Variants in EDIL3 observed in about 807,000 individuals in gnomAD.
EDIL3 encodes the protein EGF like and discoidin domains 3, also known as EGF-like repeat and discoidin I-like domain-containing protein 3.
In EDIL3, 37 loss-of-function variants were observed where a neutral mutation model predicts 67.4. That is an observed-to-expected ratio of 0.55 (90% CI 0.42 to 0.72). The LOEUF (loss-of-function observed/expected upper bound fraction) is 0.72, where lower values mean the gene tolerates loss of function less well. Ranked by LOEUF, EDIL3 falls within the 30% of genes least tolerant of loss-of-function variation. The probability of loss-of-function intolerance (pLI) is 0.00; values close to 1 mark genes in which losing one functional copy is unlikely to be tolerated. For synonymous variants in EDIL3, 195 were observed against 196.3 expected, an observed-to-expected ratio of 0.99 and a Z score of 0.05; for missense variants, 527 against 586.3, an observed-to-expected ratio of 0.90 and a Z score of 1.04.
At chr5:84,271,696 A>C (rs1468728219) in intron 1 of EDIL3, among the ~76,000 whole-genome samples, 1 of 152,158 alleles carries the variant, frequency 6.6e-6, no homozygotes, top group Non-Finnish European at 1.5e-5. Flanking sequence ...ATTATGTTTC[A>C]TGCTTTTTCA....
intron 9 of EDIL3, among the ~76,000 whole-genome samples, chr5:84,048,735 C>T (rs994055638): frequency 1.3e-5 from 2 of 151,842 alleles, no homozygotes; most frequent in Admixed American, 6.6e-5. Context: ...ACCACCAATA[C>T]GGCAATGAAT....
intron 9 of EDIL3, among the ~76,000 whole-genome samples, chr5:84,044,387 AT>A (rs11422307): frequency 2.0e-4 from 30 of 149,340 alleles, no homozygotes; most frequent in Middle Eastern, 3.4e-3. Flanking sequence ...GCCCAGAACC[AT>A]TTTTTTTTTG....
intron 2 of EDIL3, among the ~76,000 whole-genome samples, chr5:84,253,592 A>AGC (rs1206238556): frequency 3.3e-5 from 5 of 152,178 alleles, no homozygotes; most frequent in Non-Finnish European, 7.4e-5. Flanking sequence ...AACTTTGAAG[A>AGC]GCACTGCATC....
intron 6 of EDIL3, among the ~76,000 whole-genome samples, chr5:84,082,201 C>G (rs1746983120): frequency 6.6e-6 from 1 of 152,202 alleles, no homozygotes. Context: ...TAATACTCTA[C>G]ACCTTTCCAT....
chr5:83,949,789 A>C (rs981219658), intron 10 of EDIL3, among the ~76,000 whole-genome samples: 19 of 151,778 alleles, frequency 1.3e-4, no homozygotes, highest in Non-Finnish European at 2.4e-4. Context: ...TTACCCAAGG[A>C]GGAGTCTGTT....
intron 2 of EDIL3, among the ~76,000 whole-genome samples, chr5:84,234,465 C>T (rs1194678549): frequency 3.3e-5 from 5 of 152,152 alleles, no homozygotes; most frequent in Non-Finnish European, 1.5e-5. Context: ...GTATATTACC[C>T]TGATACAACA....
chr5:84,375,019 T>G (rs914283316), intron 1 of EDIL3, among the ~76,000 whole-genome samples: 1 of 151,648 alleles, frequency 6.6e-6, no homozygotes, highest in Non-Finnish European at 1.5e-5. Context: ...GTCACCAAGC[T>G]GAAGTGCAAT....
At chr5:84,058,584 A>T (rs1462196422) in intron 9 of EDIL3, among the ~76,000 whole-genome samples, 2 of 152,142 alleles carry the variant, frequency 1.3e-5, no homozygotes, top group Admixed American at 6.6e-5. Flanking sequence ...AAATCAGTTA[A>T]TGTTAGTGTG....
intron 9 of EDIL3, among the ~76,000 whole-genome samples, chr5:84,028,691 T>A (rs1202825106): frequency 6.6e-6 from 1 of 152,154 alleles, no homozygotes; most frequent in Non-Finnish European, 1.5e-5. Flanking sequence ...TATGTATGTA[T>A]ATGTGTGTAA....
chr5:84,311,324 C>CT (rs58965080), intron 1 of EDIL3, among the ~76,000 whole-genome samples: 121 of 105,540 alleles, frequency 1.1e-3, no homozygotes, highest in Admixed American at 2.1e-3. Context: ...TTTTTTTTTT[C>CT]TTTTTTTTTT....
At chr5:84,094,777 T>G (rs535015582) in intron 6 of EDIL3, among the ~76,000 whole-genome samples, 146 of 152,350 alleles carry the variant, frequency 9.6e-4, no homozygotes, top group African/African-American at 3.4e-3. Context: ...GGCCGATATA[T>G]TCTACATTAA....
intron 10 of EDIL3, among the ~76,000 whole-genome samples, chr5:83,955,343 T>A (rs1039430867): frequency 4.6e-5 from 7 of 151,720 alleles, no homozygotes; most frequent in African/African-American, 1.7e-4. Flanking sequence ...TTATTTTTCA[T>A]TTATGAATAT....
At chr5:84,080,149 A>T (rs1277865820) in intron 6 of EDIL3, among the ~76,000 whole-genome samples, 5 of 76,328 alleles carry the variant, frequency 6.6e-5, no homozygotes, top group Non-Finnish European at 1.4e-4. Context: ...AAAAAAAAAT[A>T]GCCCGGCGTG....
intron 3 of EDIL3, among the ~76,000 whole-genome samples, chr5:84,201,184 CT>C (rs1311658639): frequency 6.6e-6 from 1 of 151,960 alleles, no homozygotes; most frequent in Non-Finnish European, 1.5e-5. Context: ...CATTTCTCTT[CT>C]GTTATCAGGG....
intron 5 of EDIL3, among the ~76,000 whole-genome samples, chr5:84,112,877 A>G (rs1282251738): frequency 1.3e-5 from 2 of 152,230 alleles, no homozygotes; most frequent in African/African-American, 4.8e-5. Flanking sequence ...TAAATAAACA[A>G]TACAAATGGC....
intron 1 of EDIL3, among the ~76,000 whole-genome samples, chr5:84,325,429 A>G (rs897403920): frequency 6.6e-5 from 10 of 152,020 alleles, no homozygotes; most frequent in Admixed American, 2.0e-4. Flanking sequence ...AAAAACTTCA[A>G]TGAGATATCA....
chr5:84,070,398 C>G (rs1477927488), intron 6 of EDIL3, among the ~76,000 whole-genome samples: 1 of 152,150 alleles, frequency 6.6e-6, no homozygotes, highest in African/African-American at 2.4e-5. Flanking sequence ...GGGTCAGAGC[C>G]CACGCTCCCA....
rs114855959 is a variant in EDIL3, at chr5:84,161,785, G to A, written c.355+18608C>T. Among the ~76,000 whole-genome samples the A allele has an allele frequency of 9.8e-3, 1,496 of 152,156 alleles. 27 individuals carry two copies. The highest frequency in any genetic ancestry group is 0.035 in the African/African-American group (1,435 of 41,516). On this transcript the variant is annotated intron_variant, in intron 4 of 10. Transcript: ENST00000296591. Reference sequence around the variant, plus strand: ...ACCTCACCTAAAATTCACAGTCTGGGTCACAATGGAAACTCTCTTATGGGT... The same window carrying A: ...ACCTCACCTAAAATTCACAGTCTGGATCACAATGGAAACTCTCTTATGGGT...
At chr5:83,982,019 C>A (rs578013618) in intron 9 of EDIL3, among the ~76,000 whole-genome samples, 1 of 152,042 alleles carries the variant, frequency 6.6e-6, no homozygotes, top group East Asian at 1.9e-4. Context: ...GGCAGATAGA[C>A]CTGCTCCGGT....
Sources: allele counts gnomAD v4.1 joint callset (sites outside exome capture counted in the v4.1 genomes callset), GRCh38; gene constraint gnomAD v4.1.1; transcripts MANE v1.5; gene names NCBI Gene and HGNC (gene_info 2026-07-23, HGNC 2026-07-21).